The following KANSL1L variants were observed in gnomAD, a reference collection of about 807,000 sequenced individuals.
The protein encoded by KANSL1L is KAT8 regulatory NSL complex subunit 1 like.
In KANSL1L, 25 loss-of-function variants were observed where a neutral mutation model predicts 108.6. That is an observed-to-expected ratio of 0.23 (90% CI 0.17 to 0.32). KANSL1L has a LOEUF of 0.32. Among genes scored for constraint, KANSL1L ranks in the 10% least tolerant of loss-of-function variants. The probability of loss-of-function intolerance (pLI) is 1.00; values close to 1 mark genes in which losing one functional copy is unlikely to be tolerated. For synonymous variants in KANSL1L, 405 were observed against 395.1 expected (o/e 1.03, Z -0.30); for missense variants, 1,137 against 1,125.7 (o/e 1.01, Z -0.14).
At chr2:210,027,683 A>T (rs1463536552) in intron 11 of KANSL1L, among the ~76,000 whole-genome samples, 1 of 152,160 alleles carries the variant, frequency 6.6e-6, no homozygotes, top group Non-Finnish European at 1.5e-5. Context: ...CCTGGTTTGT[A>T]TGTTTGCCAA....
At chr2:210,167,948 C>A (rs1269706403) in intron 1 of KANSL1L, among the ~76,000 whole-genome samples, 3 of 151,854 alleles carry the variant, frequency 2.0e-5, no homozygotes, top group Non-Finnish European at 4.4e-5. Context: ...AGTGAAAAGT[C>A]CCCATAAAAC....
At chr2:210,101,648 A>G (rs1039557544) in intron 4 of KANSL1L, among the ~76,000 whole-genome samples, 4 of 152,308 alleles carry the variant, frequency 2.6e-5, no homozygotes, top group Admixed American at 6.5e-5. Context: ...AACTAATTTA[A>G]ATCAATGCTT....
At chr2:210,097,137 G>T (rs1575522782) in intron 5 of KANSL1L, 1 of 411,412 alleles carries the variant, frequency 2.4e-6, no homozygotes, top group African/African-American at 2.2e-5. Context: ...TAGAGACGGG[G>T]TTTCTCCATG....
chr2:210,023,236 T>C, intron 14 of KANSL1L, 57 bp from the exon 15 acceptor site: 5 of 1,209,876 alleles, frequency 4.1e-6, no homozygotes, highest in Non-Finnish European at 6.1e-6. Flanking sequence ...TTTAAATTCA[T>C]CTAACAAGTA....
chr2:210,127,999 T>G (rs202082408), intron 3 of KANSL1L, among the ~76,000 whole-genome samples: 2 of 151,984 alleles, frequency 1.3e-5, no homozygotes, highest in African/African-American at 4.8e-5. Context: ...GCCAAGCCAG[T>G]AGCACATGAA....
At chr2:210,098,676 A>G (rs2125409781) in intron 4 of KANSL1L, among the ~76,000 whole-genome samples, 1 of 152,222 alleles carries the variant, frequency 6.6e-6, no homozygotes, top group African/African-American at 2.4e-5. Context: ...AGAACAGATG[A>G]GTAAATTCTA....
chr2:210,056,994 C>T (rs116453578), intron 6 of KANSL1L, among the ~76,000 whole-genome samples: 2 of 152,160 alleles, frequency 1.3e-5, no homozygotes, highest in Non-Finnish European at 2.9e-5. Context: ...TGAAATTTCC[C>T]CTTTGCTGTA....
chr2:210,117,525 G>A (rs923042842), intron 3 of KANSL1L, among the ~76,000 whole-genome samples: 1 of 152,086 alleles, frequency 6.6e-6, no homozygotes, highest in Non-Finnish European at 1.5e-5. Context: ...ACATACAAAG[G>A]AGCTCCAATA....
chr2:210,122,078 GAATT>G (rs1456058493), intron 3 of KANSL1L, among the ~76,000 whole-genome samples: 3 of 151,944 alleles, frequency 2.0e-5, no homozygotes, highest in Non-Finnish European at 4.4e-5. Flanking sequence ...TGAATTAGAA[GAATT>G]AATATTGTTA....
intron 3 of KANSL1L, among the ~76,000 whole-genome samples, chr2:210,116,411 A>G (rs2094954405): frequency 6.6e-6 from 1 of 152,186 alleles, no homozygotes; most frequent in South Asian, 2.1e-4. Context: ...GAGGAGACAC[A>G]GACGATAGCC....
intron 1 of KANSL1L, among the ~76,000 whole-genome samples, chr2:210,157,691 GAAAAAAAAAAAA>G (rs56676129): frequency 1.3e-3 from 61 of 47,214 alleles, no homozygotes; most frequent in South Asian, 5.1e-3. Flanking sequence ...CACTGTCACA[GAAAAAAAAAAAA>G]AAAAAAAAAA....
chr2:210,121,794 C>T (rs1343769790), intron 3 of KANSL1L, among the ~76,000 whole-genome samples: 2 of 152,124 alleles, frequency 1.3e-5, no homozygotes, highest in Non-Finnish European at 2.9e-5. Flanking sequence ...GAAAAATCTA[C>T]AGACTCCACT....
intron 14 of KANSL1L, among the ~76,000 whole-genome samples, 166 bp downstream of exon 14, chr2:210,023,867 T>G (rs1027581682): frequency 3.9e-5 from 6 of 152,220 alleles, no homozygotes; most frequent in African/African-American, 1.2e-4. Context: ...ACAAGGTGAT[T>G]ATAGTTAGTA....
intron 14 of KANSL1L, 105 bp from the exon 15 acceptor site, chr2:210,023,284 T>G (rs910756139): frequency 1.3e-6 from 1 of 765,732 alleles, no homozygotes; most frequent in Middle Eastern, 2.4e-4. Context: ...TGTTCTGTTC[T>G]TTAGCACATA....
chr2:210,170,479 G>C, intron 1 of KANSL1L: 2 of 675,594 alleles, frequency 3.0e-6, no homozygotes, highest in Non-Finnish European at 3.7e-6. Flanking sequence ...CCAGGATACC[G>C]CCTGGTATTT....
intron 3 of KANSL1L, among the ~76,000 whole-genome samples, chr2:210,111,601 C>G (rs1004261487): frequency 6.6e-6 from 1 of 152,038 alleles, no homozygotes; most frequent in South Asian, 2.1e-4. Context: ...ATTCAGTGAA[C>G]TGTATAGTTA....
At chr2:210,055,136 A>T (rs2125244513) in intron 6 of KANSL1L, among the ~76,000 whole-genome samples, 1 of 152,280 alleles carries the variant, frequency 6.6e-6, no homozygotes, top group East Asian at 1.9e-4. Context: ...TGTTCTTGTG[A>T]ATTCTCACGA....
intron 5 of KANSL1L, chr2:210,079,672 G>GTATATATATATATATATA (rs1343715938): frequency 7.1e-4 from 18 of 25,514 alleles, no homozygotes; most frequent in African/African-American, 2.1e-3. Context: ...ATATGTATGT[G>GTATATATATATATATATA]TGTATATATA....
In KANSL1L at chr2:210,153,939, T is replaced by A. The variant is rs1257794716; in HGVS notation, c.644A>T (p.Glu215Val). 6.2e-7 allele frequency: 1 copy of A among 1,613,596 alleles called. No individual in the cohort carries two copies. The highest frequency in any genetic ancestry group is 1.7e-5 in the Admixed American group (1 of 60,028). Reference sequence around the variant, plus strand: ...ACGAGCATGTACTTCCTCCTCTTTTTCAGCAGCTGAAGAACTAACAGGCAC... The same window carrying A: ...ACGAGCATGTACTTCCTCCTCTTTTACAGCAGCTGAAGAACTAACAGGCAC... The part of the protein sequence containing the change: ...SNVPVSSSAA[E>V]KEEEVHARLL... The change falls in exon 2 of 15, where the codon GAA (glutamate) becomes GTA (valine). Residue 215 changes from glutamate to valine, a missense_variant. Glu to Val is a moderately radical substitution (Grantham distance 121, BLOSUM62 -2). Coordinates refer to ENST00000281772, the MANE Select transcript of KANSL1L (RefSeq NM_152519.4).
Sources: gnomAD v4.1 joint callset for allele counts (sites outside exome capture counted in the v4.1 genomes callset) on GRCh38, gnomAD v4.1.1 for gene constraint, MANE v1.5 for transcripts, NCBI Gene and HGNC (gene_info 2026-07-23, HGNC 2026-07-21) for gene names.